Variants in NCOA1 observed in about 807,000 individuals in gnomAD.
NCOA1 encodes Hin-2 protein.
NCOA1 carries 35 observed loss-of-function variants against 150.9 expected under a neutral mutation model. That is an observed-to-expected ratio of 0.23 (90% CI 0.18 to 0.31). NCOA1 has a LOEUF of 0.31. NCOA1 is among the 10% of genes least tolerant of loss of function. NCOA1 has a pLI of 1.00. For synonymous variants in NCOA1, 590 were observed against 630.0 expected (o/e 0.94, Z 0.95); for missense variants, 1,491 against 1,749.3 (o/e 0.85, Z 2.63).
chr2:24,543,997 CAAG>C (rs1022275245), intron 1 of NCOA1, among the ~76,000 whole-genome samples: 10 of 151,932 alleles, frequency 6.6e-5, no homozygotes, highest in Admixed American at 3.9e-4. Flanking sequence ...TTTGTTCTAA[CAAG>C]AAATTTTTCT....
chr2:24,581,314 C>T (rs1021758718), intron 2 of NCOA1, among the ~76,000 whole-genome samples: 4 of 152,212 alleles, frequency 2.6e-5, no homozygotes, highest in Non-Finnish European at 4.4e-5. Flanking sequence ...CTCATTATCA[C>T]GTGGCAGGGA....
At chr2:24,751,745 C>G (rs1037132256) in intron 19 of NCOA1, among the ~76,000 whole-genome samples, 11 of 152,118 alleles carry the variant, frequency 7.2e-5, no homozygotes, top group Non-Finnish European at 1.3e-4. Flanking sequence ...AAGCATTATT[C>G]CGAGCTTACA....
At chr2:24,544,790 A>T (rs1312846108) in intron 1 of NCOA1, among the ~76,000 whole-genome samples, 2 of 152,190 alleles carry the variant, frequency 1.3e-5, no homozygotes, top group Non-Finnish European at 2.9e-5. Context: ...AGAAAAAGGT[A>T]GGACAGAAAT....
chr2:24,542,998 A>G (rs935813464), intron 1 of NCOA1, among the ~76,000 whole-genome samples: 5 of 152,220 alleles, frequency 3.3e-5, no homozygotes, highest in Admixed American at 2.0e-4. Context: ...GCAGAGAGCT[A>G]GTCTCTGAGG....
intron 1 of NCOA1, among the ~76,000 whole-genome samples, chr2:24,525,600 G>A (rs1453822954): frequency 6.6e-6 from 1 of 151,500 alleles, no homozygotes; most frequent in African/African-American, 2.4e-5. Flanking sequence ...AGGCTGGAGG[G>A]CAGTGGCGCG....
At chr2:24,549,336 G>A (rs958325293) in intron 1 of NCOA1, among the ~76,000 whole-genome samples, 2 of 152,134 alleles carry the variant, frequency 1.3e-5, no homozygotes, top group African/African-American at 4.8e-5. Flanking sequence ...GGGACCCTGG[G>A]CCTGGCCCGC....
At chr2:24,518,352 G>A (rs980362309) in intron 1 of NCOA1, among the ~76,000 whole-genome samples, 7 of 152,096 alleles carry the variant, frequency 4.6e-5, no homozygotes, top group African/African-American at 1.7e-4. Context: ...GATAAATGGA[G>A]CATATTTATG....
intron 3 of NCOA1, among the ~76,000 whole-genome samples, chr2:24,623,840 C>T (rs995310693): frequency 2.0e-5 from 3 of 152,116 alleles, no homozygotes; most frequent in East Asian, 1.9e-4. Flanking sequence ...GACTGGGGCT[C>T]CACCCTTAGG....
At chr2:24,585,552 G>A (rs1667367573) in intron 3 of NCOA1, among the ~76,000 whole-genome samples, 1 of 151,702 alleles carries the variant, frequency 6.6e-6, no homozygotes, top group African/African-American at 2.4e-5. Context: ...TGCCACTTAA[G>A]TTACAGATTT....
chr2:24,693,559 A>G (rs937510291), intron 10 of NCOA1, among the ~76,000 whole-genome samples: 3 of 152,160 alleles, frequency 2.0e-5, no homozygotes, highest in Admixed American at 2.0e-4. Flanking sequence ...AACACTTTTT[A>G]TAACTTTATA....
At chr2:24,754,671 A>G (rs1286788808) in intron 20 of NCOA1, among the ~76,000 whole-genome samples, 2 of 152,140 alleles carry the variant, frequency 1.3e-5, no homozygotes, top group African/African-American at 2.4e-5. Flanking sequence ...CTTTTTTCAT[A>G]GTGATTAACA....
At chr2:24,758,239 T>C (rs1664599696) in intron 21 of NCOA1, 83 bp downstream of exon 21, 5 of 1,307,740 alleles carry the variant, frequency 3.8e-6, no homozygotes, top group African/African-American at 2.9e-5. Flanking sequence ...CAGTTACTCA[T>C]CAGAAATAGC....
At chr2:24,549,951 G>A (rs1163211281) in intron 1 of NCOA1, among the ~76,000 whole-genome samples, 2 of 151,988 alleles carry the variant, frequency 1.3e-5, no homozygotes, top group Non-Finnish European at 2.9e-5. Context: ...AATTTCATCC[G>A]CCAGATACCC....
intron 11 of NCOA1, among the ~76,000 whole-genome samples, chr2:24,700,733 T>C (rs1372922887): frequency 1.3e-5 from 2 of 152,200 alleles, no homozygotes; most frequent in African/African-American, 4.8e-5. Context: ...TAAAGAAATA[T>C]CTAGGTCATG....
intron 4 of NCOA1, among the ~76,000 whole-genome samples, chr2:24,648,990 T>C (rs1017400262): frequency 1.3e-5 from 2 of 152,168 alleles, no homozygotes; most frequent in African/African-American, 4.8e-5. Context: ...CATTTTCTTT[T>C]GGTTCTGGCT....
chr2:24,657,839 G>A (rs751705847), intron 4 of NCOA1, among the ~76,000 whole-genome samples: 5 of 152,170 alleles, frequency 3.3e-5, no homozygotes, highest in Non-Finnish European at 7.4e-5. Context: ...AAAAGAGAAT[G>A]GTGAAGTGTG....
intron 22 of NCOA1, among the ~76,000 whole-genome samples, chr2:24,766,046 G>A (rs1278193787): frequency 1.3e-5 from 2 of 151,768 alleles, no homozygotes; most frequent in African/African-American, 4.8e-5. Flanking sequence ...AATGACAGGC[G>A]TGTGCCACCA....
chr2:24,545,242 G>C (rs1665561271), intron 1 of NCOA1, among the ~76,000 whole-genome samples: 1 of 152,022 alleles, frequency 6.6e-6, no homozygotes, highest in Non-Finnish European at 1.5e-5. Context: ...AGATGAGCCT[G>C]GAACATTGTA....
chr2:24,635,368 A>T (rs577220111), intron 3 of NCOA1, among the ~76,000 whole-genome samples: 2 of 152,152 alleles, frequency 1.3e-5, no homozygotes, highest in Non-Finnish European at 2.9e-5. Flanking sequence ...TTGACTGGCC[A>T]TGAGTTCGTC....
Sources: allele counts gnomAD v4.1 joint callset (sites outside exome capture counted in the v4.1 genomes callset), GRCh38; gene constraint gnomAD v4.1.1; transcripts MANE v1.5; gene names NCBI Gene and HGNC (gene_info 2026-07-23, HGNC 2026-07-21).